Variants in ALDH1L1 observed in about 807,000 individuals in gnomAD.
ALDH1L1 encodes cytosolic 10-formyltetrahydrofolate dehydrogenase.
In ALDH1L1, 68 loss-of-function variants were observed where a neutral mutation model predicts 101.1. The observed-to-expected ratio is 0.67, with a 90% CI of 0.55 to 0.82. ALDH1L1 has a LOEUF of 0.82. ALDH1L1 is among the 40% of genes least tolerant of loss of function. ALDH1L1 has a pLI of 0.00. For missense variants in ALDH1L1, 1,087 were observed against 1,172.7 expected (o/e 0.93, Z 1.07); for synonymous variants, 486 against 470.8 (o/e 1.03, Z -0.42).
At chr3:126,141,947 C>A (rs1047148331) in intron 9 of ALDH1L1, among the ~76,000 whole-genome samples, 13 of 151,502 alleles carry the variant, frequency 8.6e-5, no homozygotes, top group Non-Finnish European at 1.9e-4. Context: ...AATTAACAAA[C>A]CTTTATCTGA....
chr3:126,187,307 C>G (rs1215775430), intron 1 of ALDH1L1, among the ~76,000 whole-genome samples: 1 of 151,570 alleles, frequency 6.6e-6, no homozygotes, highest in Non-Finnish European at 1.5e-5. Context: ...GTGGCTTGAA[C>G]AGCATCATAA....
chr3:126,146,996 AC>A, intron 8 of ALDH1L1, 70 bp from the exon 9 acceptor site: 1 of 1,431,740 alleles, frequency 7.0e-7, no homozygotes, highest in East Asian at 2.4e-5. Flanking sequence ...CAGGACAACA[AC>A]CCCTGAACAG....
intron 15 of ALDH1L1, 73 bp from the exon 16 acceptor site, chr3:126,124,524 C>G (rs2080142530): frequency 8.0e-7 from 1 of 1,246,152 alleles, no homozygotes; most frequent in Non-Finnish European, 1.2e-6. Flanking sequence ...CCCTCCCCGC[C>G]TTCCTCTCCC....
chr3:126,196,402 A>G (rs1014059352), intron 1 of ALDH1L1, among the ~76,000 whole-genome samples: 3 of 150,422 alleles, frequency 2.0e-5, no homozygotes, highest in East Asian at 1.9e-4. Flanking sequence ...TTTTTTTCCA[A>G]AATGGGGTCT....
At chr3:126,157,304 G>A (rs999376692) in intron 4 of ALDH1L1, 39 bp downstream of exon 4, 5 of 1,585,888 alleles carry the variant, frequency 3.2e-6, no homozygotes, top group South Asian at 1.1e-5. Flanking sequence ...TTGAGGGTGC[G>A]TCGGGGCGGG....
upstream of ALDH1L1, chr3:126,181,354 G>C (rs1325266008): frequency 3.0e-6 from 1 of 334,208 alleles, no homozygotes; most frequent in Non-Finnish European, 5.8e-6. Context: ...ACTGCTCCGT[G>C]CCCTGCTAAG....
chr3:126,146,480 T>C (rs1011988278), intron 9 of ALDH1L1, among the ~76,000 whole-genome samples: 2 of 152,180 alleles, frequency 1.3e-5, no homozygotes, highest in African/African-American at 4.8e-5. Context: ...TAAATCTCAA[T>C]GTTTTGGGGT....
At chr3:126,174,373 G>A (rs1284806299) in intron 1 of ALDH1L1, among the ~76,000 whole-genome samples, 1 of 152,208 alleles carries the variant, frequency 6.6e-6, no homozygotes, top group Non-Finnish European at 1.5e-5. Flanking sequence ...AAATCAGTAA[G>A]GACATAGTTG....
At chr3:126,192,408 C>T (rs2081558138) in intron 1 of ALDH1L1, among the ~76,000 whole-genome samples, 1 of 152,164 alleles carries the variant, frequency 6.6e-6, no homozygotes, top group Admixed American at 6.5e-5. Flanking sequence ...ACTTTTAACC[C>T]TTCCTATATC....
At position 126,155,452 on chromosome 3, in the gene ALDH1L1, G is replaced by A; in HGVS notation, c.580C>T (p.Pro194Ser). ...CCCTCATAGGTGGCTCCTTCCTCAG[G>A]CTGAGGGAGTCTGGGGGCTTTGCCC... Reference protein sequence around the residue: ...AEGKAPRLPQPEEGATYEGIQ... With the variant: ...AEGKAPRLPQSEEGATYEGIQ... The change falls in exon 5 of 23, where the codon CCT (proline) becomes TCT (serine). Residue 194 changes from proline to serine, a missense_variant. Pro to Ser is a moderately conservative substitution (Grantham distance 74). Transcript: ENST00000393434. The A allele has an allele frequency of 1.2e-6, 2 of 1,613,392 alleles. No homozygotes were observed. Among genetic ancestry groups the A allele is most frequent in the Non-Finnish European group, 1.7e-6 (2 of 1,179,764 alleles).
intron 1 of ALDH1L1, among the ~76,000 whole-genome samples, chr3:126,194,500 A>C (rs2081570889): frequency 6.6e-6 from 1 of 152,206 alleles, no homozygotes; most frequent in Non-Finnish European, 1.5e-5. Context: ...ATGAGGTGAG[A>C]TTCTTATAAA....
chr3:126,122,296 T>G (rs1314000516), intron 16 of ALDH1L1, among the ~76,000 whole-genome samples: 2 of 152,218 alleles, frequency 1.3e-5, no homozygotes, highest in Non-Finnish European at 2.9e-5. Context: ...ACAGTATCAA[T>G]GCATATTTTA....
chr3:126,130,151 G>A (rs958607417), intron 14 of ALDH1L1, 72 bp downstream of exon 14: 25 of 1,406,842 alleles, frequency 1.8e-5, no homozygotes, highest in Non-Finnish European at 2.4e-5. Context: ...AGCTCCCGCA[G>A]GCTGTGCTAC....
chr3:126,131,666 C>A lies in ALDH1L1; in HGVS notation c.1473-132G>T, dbSNP rs1576438311. 3 of 997,266 alleles carry A rather than the reference C, an allele frequency of 3.0e-6. No individual in the cohort carries two copies. The East Asian group carries it at 8.1e-5, about 27-fold the overall frequency. 61.8% of individuals were successfully genotyped at this position (997,266 alleles called of 1,614,324 possible). A position where few individuals can be genotyped will look rare whatever the true frequency, so the allele number is the denominator to read the frequency against. ...TTCTGCCACTCTCAGATGTGCGGAC[C>A]TCCGTTTCTGATCCATGCAATGGGC... is the stretch of plus-strand genomic sequence containing the variant. On this transcript the variant is annotated intron_variant, in intron 12 of 22. Coordinates refer to ENST00000393434, the MANE Select transcript of ALDH1L1 (RefSeq NM_012190.4).
chr3:126,186,661 C>T (rs1037593970), intron 1 of ALDH1L1, among the ~76,000 whole-genome samples: 2 of 148,960 alleles, frequency 1.3e-5, no homozygotes, highest in African/African-American at 5.1e-5. Context: ...CATGTCCTTC[C>T]AGGACCCTCC....
chr3:126,148,519 C>T (rs986856182), intron 8 of ALDH1L1, among the ~76,000 whole-genome samples: 1 of 152,160 alleles, frequency 6.6e-6, no homozygotes, highest in African/African-American at 2.4e-5. Flanking sequence ...GGTCTCCAGA[C>T]CATACATCCT....
rs552508324 is a variant in ALDH1L1, at chr3:126,106,257, C to T, written c.2454-332G>A. Among the ~76,000 whole-genome samples, 4 of 152,314 alleles carry T rather than the reference C, an allele frequency of 2.6e-5. No individual in the cohort carries two copies. The South Asian group carries it at 8.3e-4, about 32-fold the overall frequency. ...TGCCCGCCGCAGGTTGGGCATTCACCAGACATCAGCGATTTGGAGACTTAC... is the reference window on the plus strand; with the variant it reads ...TGCCCGCCGCAGGTTGGGCATTCACTAGACATCAGCGATTTGGAGACTTAC... On this transcript the variant is annotated intron_variant, in intron 21 of 22. Coordinates refer to ENST00000393434, the MANE Select transcript of ALDH1L1 (RefSeq NM_012190.4).
chr3:126,115,047 G>T lies in ALDH1L1; in HGVS notation c.1983-391C>A, dbSNP rs114300002. On this transcript the variant is annotated intron_variant, in intron 17 of 22. Transcript: ENST00000393434. ...ACCTCTGACCCCACCTGCAGAGCATGAGCCTGGCCAGGGCAGGCACGCATC... is the reference window on the plus strand; with the variant it reads ...ACCTCTGACCCCACCTGCAGAGCATTAGCCTGGCCAGGGCAGGCACGCATC... 1.9e-3 allele frequency: 867 copies of T among 456,718 alleles called. 7 individuals carry two copies. Among genetic ancestry groups the T allele is most frequent in the African/African-American group, 0.015 (765 of 50,244 alleles). The allele number at this position is 456,718 out of a possible 1,614,324, so 28.3% of individuals were successfully genotyped here.
chr3:126,125,484 A>G (rs963045401), intron 15 of ALDH1L1, 132 bp downstream of exon 15: 2 of 580,310 alleles, frequency 3.4e-6, no homozygotes, highest in South Asian at 1.2e-4. Context: ...CATGGAGGGC[A>G]GCTGGCATTA....
Sources: gnomAD v4.1 joint callset for allele counts (sites outside exome capture counted in the v4.1 genomes callset) on GRCh38, gnomAD v4.1.1 for gene constraint, MANE v1.5 for transcripts, NCBI Gene and HGNC (gene_info 2026-07-23, HGNC 2026-07-21) for gene names.